ROBO2: variants seen among roughly 807,000 people sequenced by gnomAD.
The protein encoded by ROBO2 is roundabout guidance receptor 2, also known as roundabout homolog 2.
ROBO2 carries 53 observed loss-of-function variants against 160.8 expected under a neutral mutation model. That is an observed-to-expected ratio of 0.33 (90% CI 0.26 to 0.41). The LOEUF (loss-of-function observed/expected upper bound fraction) is 0.41, where lower values mean the gene tolerates loss of function less well. Ranked by LOEUF, ROBO2 falls within the 10% of genes least tolerant of loss-of-function variation. The probability of loss-of-function intolerance (pLI) is 1.00; values close to 1 mark genes in which losing one functional copy is unlikely to be tolerated. For missense variants in ROBO2, 1,577 were observed against 1,722.4 expected, an observed-to-expected ratio of 0.92 and a Z score of 1.49; for synonymous variants, 664 against 611.7, an observed-to-expected ratio of 1.09 and a Z score of -1.26.
chr3:77,434,325 C>T (rs916465847), intron 2 of ROBO2, among the ~76,000 whole-genome samples: 7 of 151,952 alleles, frequency 4.6e-5, no homozygotes, highest in Admixed American at 1.3e-4. Context: ...CCCAAATTTC[C>T]CATTTGCAAC....
intron 2 of ROBO2, among the ~76,000 whole-genome samples, chr3:77,311,736 ATTTG>A (rs2063556369): frequency 1.3e-5 from 2 of 152,180 alleles, no homozygotes; most frequent in African/African-American, 4.8e-5. Context: ...TTTCATAATC[ATTTG>A]TTTCTAATAA....
chr3:76,574,522 A>G (rs1273139741), intron 2 of ROBO2, among the ~76,000 whole-genome samples: 1 of 152,110 alleles, frequency 6.6e-6, no homozygotes, highest in East Asian at 1.9e-4. Context: ...AAAACCTTTT[A>G]ATATTGATTG....
At chr3:77,366,632 C>T (rs992899806) in intron 2 of ROBO2, among the ~76,000 whole-genome samples, 1 of 152,070 alleles carries the variant, frequency 6.6e-6, no homozygotes. Context: ...TTTGATTTGG[C>T]TCATAGTTCT....
chr3:75,963,307 C>T (rs190148549), intron 2 of ROBO2, among the ~76,000 whole-genome samples: 1 of 151,830 alleles, frequency 6.6e-6, no homozygotes, highest in Admixed American at 6.6e-5. Flanking sequence ...CCCAACTCAG[C>T]TCCCAAGTAG....
chr3:76,831,590 G>A (rs989779106), intron 2 of ROBO2, among the ~76,000 whole-genome samples: 8 of 152,144 alleles, frequency 5.3e-5, no homozygotes, highest in East Asian at 3.9e-4. Context: ...GACTCAACTC[G>A]TTATAGGAGA....
intron 2 of ROBO2, among the ~76,000 whole-genome samples, chr3:76,287,365 G>A (rs1395482316): frequency 6.7e-6 from 1 of 150,296 alleles, no homozygotes; most frequent in Non-Finnish European, 1.5e-5. Context: ...GCACAATCTC[G>A]GATCACTGCA....
chr3:76,839,565 G>T (rs1245815818), intron 2 of ROBO2, among the ~76,000 whole-genome samples: 2 of 152,146 alleles, frequency 1.3e-5, no homozygotes. Flanking sequence ...AATTCATTAT[G>T]CTAGTATTTT....
intron 2 of ROBO2, among the ~76,000 whole-genome samples, chr3:76,309,059 T>G (rs968135451): frequency 6.6e-6 from 1 of 152,036 alleles, no homozygotes; most frequent in African/African-American, 2.4e-5. Context: ...CATTTTTTTT[T>G]TAATTGCTAA....
intron 2 of ROBO2, among the ~76,000 whole-genome samples, chr3:75,989,993 TA>T (rs927540252): frequency 1.4e-4 from 21 of 152,176 alleles, no homozygotes; most frequent in African/African-American, 4.6e-4. Flanking sequence ...TCTCAAGGTA[TA>T]AAAAATATCT....
At chr3:76,090,138 A>C (rs2108086484) in intron 2 of ROBO2, among the ~76,000 whole-genome samples, 1 of 152,306 alleles carries the variant, frequency 6.6e-6, no homozygotes, top group South Asian at 2.1e-4. Flanking sequence ...AATCTATGTA[A>C]GGAACACTAC....
In ROBO2 at chr3:77,167,740, A is replaced by T. The variant is rs149006179; in HGVS notation, c.388+69400A>T. The stretch of plus-strand genomic sequence containing the variant: ...AGTACTGTTACAAAGGTTAATACAT[A>T]TTTTTTTAATATGCTGAATTAGCCC... On this transcript the variant is annotated intron_variant, in intron 2 of 25. Transcript: ENST00000461745. Among the ~76,000 whole-genome samples the T allele has an allele frequency of 2.9e-3, 449 of 152,252 alleles. 6 individuals are homozygous for T. Among genetic ancestry groups the T allele is most frequent in the Middle Eastern group, 0.02 (6 of 294 alleles).
intron 1 of ROBO2, among the ~76,000 whole-genome samples, chr3:77,052,263 G>C (rs1369826990): frequency 6.6e-6 from 1 of 152,086 alleles, no homozygotes; most frequent in Non-Finnish European, 1.5e-5. Context: ...AAAAACTTTT[G>C]TTTTTACCAA....
intron 2 of ROBO2, among the ~76,000 whole-genome samples, chr3:77,327,187 G>A (rs1163558833): frequency 2.6e-5 from 4 of 152,132 alleles, no homozygotes; most frequent in Non-Finnish European, 5.9e-5. Flanking sequence ...CAATGTAGCC[G>A]AATATACCTT....
intron 2 of ROBO2, among the ~76,000 whole-genome samples, chr3:76,288,946 C>G (rs1233449112): frequency 1.3e-5 from 2 of 152,148 alleles, no homozygotes; most frequent in Non-Finnish European, 2.9e-5. Context: ...AATAGTGCTA[C>G]TATGAACATA....
At chr3:77,442,184 C>A (rs1247695894) in intron 2 of ROBO2, among the ~76,000 whole-genome samples, 2 of 151,852 alleles carry the variant, frequency 1.3e-5, no homozygotes, top group Admixed American at 6.6e-5. Context: ...TCATGGCGGG[C>A]GCCTGTAGTC....
At chr3:76,239,912 C>A (rs1705186540) in intron 2 of ROBO2, among the ~76,000 whole-genome samples, 1 of 151,934 alleles carries the variant, frequency 6.6e-6, no homozygotes, top group Non-Finnish European at 1.5e-5. Context: ...GTCAGAGAAA[C>A]CATGTTGATG....
chr3:76,611,688 C>T (rs1392208061), intron 2 of ROBO2, among the ~76,000 whole-genome samples: 3 of 151,918 alleles, frequency 2.0e-5, no homozygotes, highest in Middle Eastern at 3.2e-3. Flanking sequence ...AAAGTTTTGT[C>T]GATTTTATTT....
intron 2 of ROBO2, among the ~76,000 whole-genome samples, chr3:77,347,046 C>T (rs1215204082): frequency 2.0e-5 from 3 of 152,038 alleles, no homozygotes; most frequent in Non-Finnish European, 4.4e-5. Flanking sequence ...AATCTCCCAG[C>T]GATATCTTTG....
intron 2 of ROBO2, among the ~76,000 whole-genome samples, chr3:76,273,639 A>G (rs571183488): frequency 5.9e-5 from 9 of 152,196 alleles, no homozygotes; most frequent in Non-Finnish European, 1.0e-4. Flanking sequence ...ATCTCATGAG[A>G]ACTCACTCAC....
Sources: allele counts gnomAD v4.1 joint callset (sites outside exome capture counted in the v4.1 genomes callset), GRCh38; gene constraint gnomAD v4.1.1; transcripts MANE v1.5; gene names NCBI Gene and HGNC (gene_info 2026-07-23, HGNC 2026-07-21).